HADHA: variants seen among roughly 807,000 people sequenced by gnomAD.
The protein encoded by HADHA is hydroxyacyl-CoA dehydrogenase trifunctional multienzyme complex subunit alpha.
In HADHA, 59 loss-of-function variants were observed where a neutral mutation model predicts 91.3. The ratio of observed to expected loss-of-function variants is 0.65; its 90% CI spans 0.52 to 0.80. The LOEUF is 0.80. Ranked by LOEUF, HADHA falls within the 30% of genes least tolerant of loss-of-function variation. The pLI is 0.00. For synonymous variants in HADHA, 320 were observed against 338.9 expected, an observed-to-expected ratio of 0.94 and a Z score of 0.61; for missense variants, 800 against 927.6, an observed-to-expected ratio of 0.86 and a Z score of 1.79.
intron 13 of HADHA, among the ~76,000 whole-genome samples, chr2:26,198,896 CTT>C (rs869241203): frequency 2.6e-4 from 37 of 141,372 alleles, no homozygotes; most frequent in Non-Finnish European, 3.1e-4. Flanking sequence ...CAAAACATAA[CTT>C]TTTTTTTTTT....
intron 6 of HADHA, 94 bp from the exon 7 acceptor site, chr2:26,230,388 G>C (rs1426900699): frequency 1.2e-6 from 1 of 825,224 alleles, no homozygotes; most frequent in Non-Finnish European, 2.1e-6. Flanking sequence ...ATATTAAAAT[G>C]AGAAAAGTCA....
chr2:26,237,824 T>G (rs898046468), intron 3 of HADHA, among the ~76,000 whole-genome samples: 5 of 152,246 alleles, frequency 3.3e-5, no homozygotes, highest in African/African-American at 4.8e-5. Flanking sequence ...ATTACTTTTG[T>G]GTTCAGGAAA....
At chr2:26,213,929 T>G (rs1670159362) in intron 9 of HADHA, among the ~76,000 whole-genome samples, 1 of 152,228 alleles carries the variant, frequency 6.6e-6, no homozygotes, top group Non-Finnish European at 1.5e-5. Context: ...AAGTTCTAAG[T>G]TTTAAAGTCT....
At chr2:26,197,479 T>C (rs534164761) in intron 14 of HADHA, among the ~76,000 whole-genome samples, 3 of 152,302 alleles carry the variant, frequency 2.0e-5, no homozygotes, top group African/African-American at 7.2e-5. Flanking sequence ...TAATGCCCAT[T>C]TGGGATCCTT....
At chr2:26,209,997 G>A (rs1396479893) in intron 10 of HADHA, 108 bp from the exon 11 acceptor site, 6 of 757,360 alleles carry the variant, frequency 7.9e-6, no homozygotes, top group Non-Finnish European at 1.4e-5. Flanking sequence ...TGTGAAGCCT[G>A]AGTCCCTGGG....
At chr2:26,191,448 T>C in intron 19 of HADHA, 35 bp downstream of exon 19, 2 of 1,614,080 alleles carry the variant, frequency 1.2e-6, no homozygotes, top group Non-Finnish European at 1.7e-6. Flanking sequence ...GGCTCCAGGC[T>C]AAAGTGAGCT....
chr2:26,216,683 A>T (rs1357089033), intron 7 of HADHA, among the ~76,000 whole-genome samples: 2 of 152,104 alleles, frequency 1.3e-5, no homozygotes, highest in Non-Finnish European at 2.9e-5. Context: ...AAAACTTTGG[A>T]GTGACAAAAG....
At position 26,234,356 on chromosome 2, in the gene HADHA, C is replaced by T. The variant is rs1458898996; in HGVS notation, c.315-1G>A. 1.2e-6 allele frequency: 2 copies of T among 1,611,292 alleles called. No homozygotes were observed. The highest frequency in any genetic ancestry group is 1.7e-6 in the Non-Finnish European group (2 of 1,177,506). On this transcript the variant is annotated splice_acceptor_variant, in intron 4 of 19. Transcript: ENST00000380649. LOFTEE classifies it high-confidence loss of function. ...AAGGGTCTTGCAAGCGGCTAACATG[C>T]TGCATTATCCATAAAAGTAGAGAAC...
chr2:26,224,039 A>G (rs930590884), intron 7 of HADHA, among the ~76,000 whole-genome samples: 31 of 152,114 alleles, frequency 2.0e-4, no homozygotes, highest in Non-Finnish European at 3.2e-4. Context: ...GAGCCACTGC[A>G]CCTGGCCGGA....
chr2:26,202,682 A>G (rs1669876804), intron 12 of HADHA, among the ~76,000 whole-genome samples: 2 of 152,354 alleles, frequency 1.3e-5, no homozygotes, highest in East Asian at 1.9e-4. Context: ...CAGAGGTTGC[A>G]GTGAGCCAAG....
intron 7 of HADHA, among the ~76,000 whole-genome samples, chr2:26,215,887 A>G (rs1035189759): frequency 3.3e-5 from 5 of 152,258 alleles, no homozygotes; most frequent in Non-Finnish European, 7.3e-5. Flanking sequence ...AGGTACTTCT[A>G]TGGAGAAGGG....
chr2:26,233,540 C>T (rs1355541379), intron 5 of HADHA, among the ~76,000 whole-genome samples: 3 of 152,134 alleles, frequency 2.0e-5, no homozygotes, highest in African/African-American at 7.2e-5. Context: ...CTATTATTTA[C>T]CGTCTTTACT....
At chr2:26,231,662 T>C (rs1389534245) in intron 6 of HADHA, among the ~76,000 whole-genome samples, 1 of 152,132 alleles carries the variant, frequency 6.6e-6, no homozygotes, top group Admixed American at 6.6e-5. Context: ...CAAAGGACCT[T>C]GATCAATAAT....
intron 7 of HADHA, among the ~76,000 whole-genome samples, chr2:26,226,136 A>G (rs1670479312): frequency 6.6e-6 from 1 of 152,324 alleles, no homozygotes; most frequent in African/African-American, 2.4e-5. Flanking sequence ...TTCAAGATCT[A>G]TTCACTGAAA....
chr2:26,241,630 G>C (rs1290625910), intron 1 of HADHA, among the ~76,000 whole-genome samples: 1 of 151,614 alleles, frequency 6.6e-6, no homozygotes, highest in East Asian at 1.9e-4. Flanking sequence ...CAGGCTGGGT[G>C]ACACAGTGAG....
chr2:26,232,349 G>T (rs936885887), intron 5 of HADHA, 70 bp from the exon 6 acceptor site: 1 of 1,031,728 alleles, frequency 9.7e-7, no homozygotes, highest in Middle Eastern at 2.0e-4. Flanking sequence ...ATGGATAAGG[G>T]TCTAAAGATT....
intron 1 of HADHA, among the ~76,000 whole-genome samples, chr2:26,239,850 G>A (rs2147785968): frequency 6.6e-6 from 1 of 152,276 alleles, no homozygotes; most frequent in South Asian, 2.1e-4. Flanking sequence ...CAAAGGACTT[G>A]TGTTCAACCA....
chr2:26,195,047 T>A, intron 15 of HADHA, 45 bp downstream of exon 15: 1 of 1,506,288 alleles, frequency 6.6e-7, no homozygotes, highest in South Asian at 1.1e-5. Context: ...GGAGTCTTAT[T>A]AGAACTTTTC....
Position 26,221,665 on chromosome 2 carries a change from C to T in HADHA, c.677-6490G>A, listed in dbSNP as rs962423455. On this transcript the variant is annotated intron_variant, in intron 7 of 19. Coordinates refer to ENST00000380649, the MANE Select transcript of HADHA (RefSeq NM_000182.5). The surrounding 1 kb of genome is among the most constrained non-coding windows in gnomAD (Gnocchi z 4.8). ...GTCTCTTCCAGCCTGCACCTATGGC[C>T]TCATGGGGAGTTCTCTATGGCCAGT... 7.9e-5 allele frequency among the ~76,000 whole-genome samples: 12 copies of T among 152,180 alleles called. No individual in the cohort carries two copies. Among genetic ancestry groups the T allele is most frequent in the Admixed American group, 7.2e-4 (11 of 15,266 alleles).
Sources: allele counts gnomAD v4.1 joint callset (sites outside exome capture counted in the v4.1 genomes callset), GRCh38; gene constraint gnomAD v4.1.1; non-coding constraint Gnocchi (gnomAD v3.1); transcripts MANE v1.5; gene names NCBI Gene and HGNC (gene_info 2026-07-23, HGNC 2026-07-21).